The following RBFOX1 variants were observed in gnomAD, a reference collection of about 807,000 sequenced individuals.
RBFOX1 encodes RNA binding protein fox-1 homolog 1.
Under a neutral mutation model 57.7 loss-of-function variants are expected in RBFOX1, and 8 were observed. That is an observed-to-expected ratio of 0.14 (90% CI 0.08 to 0.25). The LOEUF (loss-of-function observed/expected upper bound fraction) is 0.25. Ranked by LOEUF, RBFOX1 falls within the 10% of genes least tolerant of loss-of-function variation. RBFOX1 has a pLI of 1.00. For missense variants in RBFOX1, 611 were observed against 548.5 expected, an observed-to-expected ratio of 1.11 and a Z score of -1.14; for synonymous variants, 326 against 222.4, an observed-to-expected ratio of 1.47 and a Z score of -4.15.
At chr16:6,887,868 G>T (rs906524252) in intron 3 of RBFOX1, among the ~76,000 whole-genome samples, 13 of 152,042 alleles carry the variant, frequency 8.6e-5, no homozygotes, top group African/African-American at 3.1e-4. Context: ...TGCCATGTTG[G>T]CCAGGCTGGT....
At chr16:6,880,860 A>G (rs567933966) in intron 3 of RBFOX1, among the ~76,000 whole-genome samples, 49 of 152,346 alleles carry the variant, frequency 3.2e-4, no homozygotes, top group African/African-American at 1.1e-3. Flanking sequence ...CAAACTATAT[A>G]CATTTTATGT....
At chr16:5,502,623 C>T (rs2043238431) in intron 2 of RBFOX1, among the ~76,000 whole-genome samples, 2 of 152,178 alleles carry the variant, frequency 1.3e-5, no homozygotes, top group African/African-American at 2.4e-5. Context: ...GTCCAAGGCG[C>T]CTCCAGCCTC....
chr16:7,053,208 G>C (rs1199626984), intron 4 of RBFOX1, among the ~76,000 whole-genome samples: 1 of 152,098 alleles, frequency 6.6e-6, no homozygotes, highest in Non-Finnish European at 1.5e-5. Context: ...CAGAATCCAG[G>C]TGCATGAAAC....
intron 3 of RBFOX1, among the ~76,000 whole-genome samples, chr16:6,978,596 G>A (rs894626425): frequency 1.3e-5 from 2 of 152,128 alleles, no homozygotes; most frequent in African/African-American, 4.8e-5. Flanking sequence ...GGTATTACCA[G>A]GTTGGGTGCC....
At chr16:5,367,518 G>C (rs577110641) in intron 1 of RBFOX1, among the ~76,000 whole-genome samples, 31 of 152,336 alleles carry the variant, frequency 2.0e-4, no homozygotes, top group Admixed American at 4.6e-4. Flanking sequence ...GAGGAGCCCA[G>C]AGTGGCACCA....
chr16:6,623,890 T>C (rs1039639784), intron 2 of RBFOX1, among the ~76,000 whole-genome samples: 6 of 152,210 alleles, frequency 3.9e-5, no homozygotes, highest in Non-Finnish European at 7.3e-5. Flanking sequence ...TTGTGAATAG[T>C]GCCGCAATAA....
intron 3 of RBFOX1, among the ~76,000 whole-genome samples, chr16:5,748,589 C>A (rs543434776): frequency 1.3e-5 from 2 of 152,210 alleles, no homozygotes; most frequent in African/African-American, 4.8e-5. Context: ...GGATAGTTAG[C>A]TCTTCTTGTT....
chr16:7,349,215 G>A (rs954614219), intron 4 of RBFOX1, among the ~76,000 whole-genome samples: 2 of 152,144 alleles, frequency 1.3e-5, no homozygotes, highest in Non-Finnish European at 2.9e-5. Flanking sequence ...CGGCTCAAGA[G>A]ATCAAGATAT....
intron 4 of RBFOX1, among the ~76,000 whole-genome samples, chr16:7,112,212 C>G (rs1301631535): frequency 6.6e-6 from 1 of 151,922 alleles, no homozygotes; most frequent in African/African-American, 2.4e-5. Flanking sequence ...AGTCAGCAAA[C>G]CAATTCATTT....
At chr16:7,390,115 G>A (rs2097970781) in intron 4 of RBFOX1, among the ~76,000 whole-genome samples, 1 of 152,144 alleles carries the variant, frequency 6.6e-6, no homozygotes, top group Admixed American at 6.5e-5. Flanking sequence ...AGAAGGGAGA[G>A]GGGCTACATA....
chr16:7,608,860 G>A (rs888060399), intron 10 of RBFOX1, among the ~76,000 whole-genome samples: 2 of 152,182 alleles, frequency 1.3e-5, no homozygotes, highest in African/African-American at 2.4e-5. Context: ...AAAGTTAGCT[G>A]CATATTCTGC....
At chr16:7,518,999 G>A (rs2076980479) in intron 5 of RBFOX1, among the ~76,000 whole-genome samples, 1 of 152,180 alleles carries the variant, frequency 6.6e-6, no homozygotes, top group South Asian at 2.1e-4. Context: ...CTCCAGCCTA[G>A]GTCACAGAGT....
At chr16:6,528,168 G>A (rs9925034) in intron 2 of RBFOX1, among the ~76,000 whole-genome samples, 95,293 of 151,862 alleles carry the variant, frequency 0.63, 30,107 homozygotes, top group African/African-American at 0.66. Context: ...CTTTGTCTTC[G>A]GCACTTTTAT....
At chr16:5,524,329 A>G (rs1191126549) in intron 2 of RBFOX1, among the ~76,000 whole-genome samples, 1 of 152,154 alleles carries the variant, frequency 6.6e-6, no homozygotes, top group Non-Finnish European at 1.5e-5. Context: ...TTCAACCTTT[A>G]TTCTTTTGGG....
chr16:5,447,450 G>T (rs1041255893), intron 1 of RBFOX1, among the ~76,000 whole-genome samples: 2 of 149,520 alleles, frequency 1.3e-5, no homozygotes, highest in Non-Finnish European at 3.0e-5. Context: ...GAGTGCAGTG[G>T]CATGCTTTCA....
At chr16:5,488,839 G>A (rs2042732628) in intron 2 of RBFOX1, among the ~76,000 whole-genome samples, 1 of 152,054 alleles carries the variant, frequency 6.6e-6, no homozygotes, top group Non-Finnish European at 1.5e-5. Flanking sequence ...TGGTGCTGGT[G>A]GGGTGTGATG....
chr16:5,994,508 C>A (rs1295171873), intron 4 of RBFOX1, among the ~76,000 whole-genome samples: 3 of 152,144 alleles, frequency 2.0e-5, no homozygotes, highest in African/African-American at 7.2e-5. Flanking sequence ...CCAAGTGGTC[C>A]TGGTACCACA....
chr16:6,746,384 A>C (rs1029848004), intron 3 of RBFOX1, among the ~76,000 whole-genome samples: 2 of 152,192 alleles, frequency 1.3e-5, no homozygotes, highest in African/African-American at 4.8e-5. Flanking sequence ...ACAATAATCA[A>C]GAAAGTGGTG....
At chr16:7,493,270 C>G (rs1303083460) in intron 4 of RBFOX1, among the ~76,000 whole-genome samples, 1 of 152,196 alleles carries the variant, frequency 6.6e-6, no homozygotes, top group South Asian at 2.1e-4. Flanking sequence ...TTCAGGCGCT[C>G]AACAGCCACA....
Sources: allele counts gnomAD v4.1 joint callset (sites outside exome capture counted in the v4.1 genomes callset), GRCh38; gene constraint gnomAD v4.1.1; transcripts MANE v1.5; gene names NCBI Gene and HGNC (gene_info 2026-07-23, HGNC 2026-07-21).